ACOT12: variants seen among roughly 807,000 people sequenced by gnomAD.
ACOT12 encodes the protein acyl-CoA thioesterase 12.
A neutral mutation model predicts 67.7 loss-of-function variants in ACOT12; 51 were observed. That is an observed-to-expected ratio of 0.75 (90% confidence interval 0.60 to 0.95). The LOEUF is 0.95. Among genes scored for constraint, ACOT12 ranks in the 40% least tolerant of loss-of-function variants. ACOT12 has a pLI of 0.00. For missense variants in ACOT12, 734 were observed against 708.1 expected, an observed-to-expected ratio of 1.04 and a Z score of -0.41; for synonymous variants, 251 against 244.6, an observed-to-expected ratio of 1.03 and a Z score of -0.24.
chr5:81,367,140 A>AAACAC (rs1429234349), intron 3 of ACOT12, among the ~76,000 whole-genome samples: 1 of 152,234 alleles, frequency 6.6e-6, no homozygotes, highest in Non-Finnish European at 1.5e-5. Context: ...AAGATGAAAC[A>AAACAC]AACACATTTT....
At chr5:81,348,410 TTAAAGA>T (rs1759449465) in intron 5 of ACOT12, among the ~76,000 whole-genome samples, 1 of 152,194 alleles carries the variant, frequency 6.6e-6, no homozygotes, top group South Asian at 2.1e-4. Context: ...AATAAAGTTG[TTAAAGA>T]TAAAGGAATC....
intron 8 of ACOT12, 116 bp from the exon 9 acceptor site, chr5:81,344,331 G>C (rs1759304274): frequency 9.9e-7 from 1 of 1,010,606 alleles, no homozygotes; most frequent in East Asian, 2.6e-5. Context: ...CTGAGATGTG[G>C]TGTCTCTCCA....
At chr5:81,368,374 C>A (rs190921009) in intron 3 of ACOT12, among the ~76,000 whole-genome samples, 148 of 152,200 alleles carry the variant, frequency 9.7e-4, no homozygotes, top group African/African-American at 3.4e-3. Flanking sequence ...CAGAATACTT[C>A]ATTGACTATA....
chr5:81,380,563 G>GAAAAAA (rs1400854438), intron 2 of ACOT12, among the ~76,000 whole-genome samples: 7 of 24,960 alleles, frequency 2.8e-4, no homozygotes, highest in East Asian at 1.1e-3. Context: ...GACTGTCTTA[G>GAAAAAA]AAAAAAAAAA....
intron 13 of ACOT12, among the ~76,000 whole-genome samples, chr5:81,331,233 T>G (rs563160668): frequency 6.6e-6 from 1 of 152,312 alleles, no homozygotes; most frequent in South Asian, 2.1e-4. Context: ...TTCAGCCTCC[T>G]TTCCTTTTTA....
intron 5 of ACOT12, among the ~76,000 whole-genome samples, chr5:81,352,125 G>A (rs892596198): frequency 1.3e-5 from 2 of 152,170 alleles, no homozygotes; most frequent in African/African-American, 4.8e-5. Flanking sequence ...GTAAGGATGT[G>A]GAGAAAAGGG....
the ACOT12 span, among the ~76,000 whole-genome samples, chr5:81,315,741 A>G: frequency 9.5e-3 from 1,444 of 152,288 alleles, 14 homozygotes; most frequent in Non-Finnish European, 0.017. Flanking sequence ...TGAGTTTGCC[A>G]TATGTGAGGG....
At chr5:81,309,533 A>T in the ACOT12 span, among the ~76,000 whole-genome samples, 2 of 152,228 alleles carry the variant, frequency 1.3e-5, no homozygotes, top group African/African-American at 4.8e-5. Flanking sequence ...AGGTTCACAC[A>T]GTAAAGTCTA....
intron 5 of ACOT12, among the ~76,000 whole-genome samples, chr5:81,358,392 T>C (rs2153853867): frequency 6.6e-6 from 1 of 152,336 alleles, no homozygotes; most frequent in East Asian, 1.9e-4. Flanking sequence ...CTCACCTGCC[T>C]CAGGGTGCCT....
At chr5:81,387,555 G>C (rs1305590110) in intron 1 of ACOT12, among the ~76,000 whole-genome samples, 20 of 119,054 alleles carry the variant, frequency 1.7e-4, no homozygotes, top group Non-Finnish European at 3.0e-4. Flanking sequence ...TTTTTTTTAA[G>C]AGACGAGGTC....
chr5:81,368,044 C>T (rs185890854), intron 3 of ACOT12, among the ~76,000 whole-genome samples: 3 of 152,150 alleles, frequency 2.0e-5, no homozygotes, highest in African/African-American at 2.4e-5. Flanking sequence ...GTAATCCCAG[C>T]ACTTTGGGAG....
At chr5:81,376,329 T>A (rs1220812718) in intron 2 of ACOT12, among the ~76,000 whole-genome samples, 1 of 151,804 alleles carries the variant, frequency 6.6e-6, no homozygotes, top group Non-Finnish European at 1.5e-5. Flanking sequence ...ATCTGGGACA[T>A]ATTTAAAGCA....
chr5:81,393,715 C>CAACA (rs549066696), intron 1 of ACOT12, among the ~76,000 whole-genome samples: 9,998 of 151,264 alleles, frequency 0.066, 703 homozygotes, highest in African/African-American at 0.18. Flanking sequence ...ACAACAACAA[C>CAACA]AACAAACAAA....
At chr5:81,392,065 A>T (rs116603549) in intron 1 of ACOT12, among the ~76,000 whole-genome samples, 59 of 152,334 alleles carry the variant, frequency 3.9e-4, no homozygotes, top group African/African-American at 1.4e-3. Flanking sequence ...GACTGGAAAA[A>T]TAATGGGGCC....
chr5:81,387,707 A>G (rs1760766282), intron 1 of ACOT12, among the ~76,000 whole-genome samples: 1 of 152,044 alleles, frequency 6.6e-6, no homozygotes, highest in Admixed American at 6.6e-5. Context: ...CTTTTAAAAA[A>G]TTGTTTAAAA....
At chr5:81,317,385 C>T in the ACOT12 span, among the ~76,000 whole-genome samples, 2 of 151,876 alleles carry the variant, frequency 1.3e-5, no homozygotes, top group African/African-American at 4.8e-5. Flanking sequence ...ACATGTAATC[C>T]CAGCTACTCA....
intron 2 of ACOT12, among the ~76,000 whole-genome samples, chr5:81,384,304 T>C (rs1447947908): frequency 1.3e-5 from 2 of 151,864 alleles, no homozygotes; most frequent in African/African-American, 2.4e-5. Context: ...TTTGTACTTT[T>C]AGTACAAAAT....
chr5:81,346,648 C>T (rs370579333), intron 6 of ACOT12, among the ~76,000 whole-genome samples: 204 of 152,236 alleles, frequency 1.3e-3, no homozygotes, highest in South Asian at 8.5e-3. Context: ...CAACACCAAG[C>T]GAACAGATGC....
intron 12 of ACOT12, among the ~76,000 whole-genome samples, chr5:81,333,083 C>T (rs6881221): frequency 0.16 from 21,506 of 133,850 alleles, 1,576 homozygotes; most frequent in Middle Eastern, 0.19. Context: ...AAAAAAGCCA[C>T]AACAAACAAA....
Sources: gnomAD v4.1 joint callset for allele counts (sites outside exome capture counted in the v4.1 genomes callset) on GRCh38, gnomAD v4.1.1 for gene constraint, MANE v1.5 for transcripts, NCBI Gene and HGNC (gene_info 2026-07-23, HGNC 2026-07-21) for gene names.